AK5: variants seen among roughly 807,000 people sequenced by gnomAD.
The protein encoded by AK5 is adenylate kinase 5, also known as adenylate kinase isoenzyme 5.
AK5 carries 27 observed loss-of-function variants against 69.5 expected under a neutral mutation model. The ratio of observed to expected loss-of-function variants is 0.39; its 90% CI spans 0.29 to 0.54. The LOEUF is 0.54. AK5 is among the 20% of genes least tolerant of loss of function. The pLI, the probability that AK5 is intolerant of heterozygous loss-of-function variation, is 0.71. For missense variants in AK5, 531 were observed against 700.4 expected (o/e 0.76, Z 2.73); for synonymous variants, 260 against 244.4 (o/e 1.06, Z -0.60).
chr1:77,519,669 G>A (rs1657872876), intron 11 of AK5, among the ~76,000 whole-genome samples: 1 of 152,166 alleles, frequency 6.6e-6, no homozygotes, highest in Middle Eastern at 3.2e-3. Flanking sequence ...GCTAAACAAG[G>A]GATGGATTAT....
intron 10 of AK5, among the ~76,000 whole-genome samples, chr1:77,498,780 AG>A (rs1656516527): frequency 6.6e-6 from 1 of 152,234 alleles, no homozygotes; most frequent in Non-Finnish European, 1.5e-5. Flanking sequence ...AATTGGAACA[AG>A]GAAAGGAACA....
chr1:77,474,857 C>A (rs12746354), intron 8 of AK5, among the ~76,000 whole-genome samples: 9 of 152,120 alleles, frequency 5.9e-5, no homozygotes, highest in Non-Finnish European at 1.0e-4. Context: ...CAGGCTAGAG[C>A]ACAGTGGTGC....
Position 77,323,519 on chromosome 1 carries a change from T to C in AK5, c.700-16858T>C, listed in dbSNP as rs58884362. Among the ~76,000 whole-genome samples, 111 of 152,350 alleles carry C rather than the reference T, an allele frequency of 7.3e-4. No homozygotes were observed. In the East Asian group the frequency reaches 0.018, roughly 24 times the overall value. On this transcript the variant is annotated intron_variant, in intron 5 of 13. Coordinates refer to ENST00000354567, the MANE Select transcript of AK5 (RefSeq NM_174858.3). The stretch of plus-strand genomic sequence containing the variant: ...TGTCTGAAAAGTTTTAGGAATTCTT[T>C]AATATTATTTTTGTACATATAAACA...
intron 8 of AK5, among the ~76,000 whole-genome samples, chr1:77,468,860 A>G (rs189492970): frequency 6.6e-6 from 1 of 152,366 alleles, no homozygotes; most frequent in African/African-American, 2.4e-5. Context: ...AACAGGAGCT[A>G]TAAAGGCTGG....
At chr1:77,482,770 C>CAA (rs11350511) in intron 8 of AK5, among the ~76,000 whole-genome samples, 5 of 133,542 alleles carry the variant, frequency 3.7e-5, no homozygotes, top group East Asian at 4.3e-4. Context: ...GACTATGTCT[C>CAA]AAAAAAAAAA....
rs1235852592 is a variant in AK5, at chr1:77,391,505, A to G, written c.892-19476A>G. On this transcript the variant is annotated intron_variant, in intron 6 of 13. Transcript: ENST00000354567. ...TGTATGTGTGTGTGTGTATATATAT[A>G]TATATATATATATATATATATATCT... is the stretch of plus-strand genomic sequence containing the variant. 1.5e-3 allele frequency among the ~76,000 whole-genome samples: 104 copies of G among 69,080 alleles called. 4 individuals are homozygous for G. Among genetic ancestry groups the G allele is most frequent in the African/African-American group, 4.0e-3 (81 of 20,006 alleles). 45.3% of individuals were successfully genotyped at this position (69,080 alleles called of 152,430 possible).
chr1:77,326,176 C>A (rs1479750046), intron 5 of AK5, among the ~76,000 whole-genome samples: 1 of 152,130 alleles, frequency 6.6e-6, no homozygotes, highest in African/African-American at 2.4e-5. Context: ...AGATAACTCT[C>A]TGAGATAAGC....
At chr1:77,345,401 A>G (rs72679538) in intron 6 of AK5, among the ~76,000 whole-genome samples, 14,242 of 152,262 alleles carry the variant, frequency 0.094, 811 homozygotes, top group East Asian at 0.2. Flanking sequence ...TTTCCTGGGA[A>G]GTGGTCAAGG....
chr1:77,385,652 C>T (rs1023345112), intron 6 of AK5, among the ~76,000 whole-genome samples: 2 of 152,098 alleles, frequency 1.3e-5, no homozygotes, highest in Non-Finnish European at 2.9e-5. Context: ...GCAATATACA[C>T]AACAAAAAGC....
At chr1:77,489,909 C>G (rs923459622) in intron 10 of AK5, among the ~76,000 whole-genome samples, 2 of 152,096 alleles carry the variant, frequency 1.3e-5, no homozygotes, top group Admixed American at 6.5e-5. Context: ...CTTTGCCAGC[C>G]CTTTCACTTG....
chr1:77,301,566 A>G (rs905033626), intron 5 of AK5, among the ~76,000 whole-genome samples: 10 of 152,112 alleles, frequency 6.6e-5, no homozygotes, highest in African/African-American at 1.9e-4. Flanking sequence ...CACACATACA[A>G]TGTACTCACT....
Position 77,400,593 on chromosome 1 carries a change from T to G in AK5, c.892-10388T>G, listed in dbSNP as rs1649147442. The stretch of plus-strand genomic sequence containing the variant: ...GTCGTAGGAATAATCAAAGTTATCT[T>G]AAGTTAACCTTCTCTGCTAGGTTTC... On this transcript the variant is annotated intron_variant, in intron 6 of 13. Coordinates refer to ENST00000354567, the MANE Select transcript of AK5 (RefSeq NM_174858.3). Among the ~76,000 whole-genome samples, 3 of 152,162 alleles carry G rather than the reference T, an allele frequency of 2.0e-5. No homozygotes were observed. The South Asian group carries it at 6.2e-4, about 32-fold the overall frequency.
chr1:77,434,843 TG>T (rs1651862804), intron 8 of AK5, among the ~76,000 whole-genome samples: 1 of 152,172 alleles, frequency 6.6e-6, no homozygotes, highest in South Asian at 2.1e-4. Flanking sequence ...GTGGGTCCAG[TG>T]GTATGAGTTT....
At chr1:77,311,413 A>T (rs1429244987) in intron 5 of AK5, among the ~76,000 whole-genome samples, 2 of 152,136 alleles carry the variant, frequency 1.3e-5, no homozygotes, top group East Asian at 3.8e-4. Flanking sequence ...TTTGACTCTC[A>T]TTCAATGTGT....
At chr1:77,521,139 C>CT (rs879354407) in intron 11 of AK5, among the ~76,000 whole-genome samples, 357 of 145,596 alleles carry the variant, frequency 2.5e-3, no homozygotes, top group Middle Eastern at 0.011. Context: ...AGTAAGATAC[C>CT]TTTTTTTTTT....
At chr1:77,550,424 A>T (rs1211112560) in intron 13 of AK5, among the ~76,000 whole-genome samples, 1 of 152,226 alleles carries the variant, frequency 6.6e-6, no homozygotes, top group Non-Finnish European at 1.5e-5. Flanking sequence ...AATTAATATT[A>T]TAATAATTGA....
At chr1:77,536,070 G>A (rs1658948530) in intron 13 of AK5, 32 bp downstream of exon 13, 4 of 1,545,764 alleles carry the variant, frequency 2.6e-6, no homozygotes, top group Non-Finnish European at 3.5e-6. Flanking sequence ...TCTGAAATGA[G>A]CCGCTTACCT....
At chr1:77,385,201 C>T (rs1647926980) in intron 6 of AK5, among the ~76,000 whole-genome samples, 2 of 152,012 alleles carry the variant, frequency 1.3e-5, no homozygotes, top group Non-Finnish European at 2.9e-5. Flanking sequence ...GCTCTGTCGC[C>T]CAGGCTGGAG....
chr1:77,351,536 T>C (rs1662200103), intron 6 of AK5, among the ~76,000 whole-genome samples: 2 of 152,224 alleles, frequency 1.3e-5, no homozygotes, highest in Non-Finnish European at 2.9e-5. Context: ...GCCCCTTCTG[T>C]CTTTCTGTTC....
Sources: gnomAD v4.1 joint callset for allele counts (sites outside exome capture counted in the v4.1 genomes callset) on GRCh38, gnomAD v4.1.1 for gene constraint, MANE v1.5 for transcripts, NCBI Gene and HGNC (gene_info 2026-07-23, HGNC 2026-07-21) for gene names.